The following SERPINE3 variants were observed in gnomAD, a reference collection of about 807,000 sequenced individuals.
The protein encoded by SERPINE3 is serpin E3.
SERPINE3 carries 43 observed loss-of-function variants against 41.7 expected under a neutral mutation model. That is an observed-to-expected ratio of 1.03 (90% confidence interval 0.81 to 1.33). The LOEUF (loss-of-function observed/expected upper bound fraction) is 1.33. SERPINE3 is among the 40% of genes most tolerant of loss of function. The pLI is 0.00. For synonymous variants in SERPINE3, 200 were observed against 192.2 expected (o/e 1.04, Z -0.34); for missense variants, 440 against 491.7 (o/e 0.89, Z 0.99).
Position 51,341,220 on chromosome 13 carries a change from G to T in SERPINE3, c.129G>T (p.Ala43=), listed in dbSNP as rs182858757. The change falls in exon 3 of 10, where the codon GCG becomes GCT. Residue 43 remains alanine, a synonymous_variant. Coordinates refer to ENST00000681248, the MANE Select transcript of SERPINE3 (RefSeq NM_001386375.1). ...FALHLYQSVA[A]CRNETNFVIS... ...TTCACCTCTACCAGAGTGTGGCCGCGTGTAGAAATGAGACGAACTTTGTCA... is the reference window on the plus strand; with the variant it reads ...TTCACCTCTACCAGAGTGTGGCCGCTTGTAGAAATGAGACGAACTTTGTCA... 1.9e-6 allele frequency: 3 copies of T among 1,614,026 alleles called. No individual in the cohort carries two copies. In the East Asian group the frequency reaches 6.7e-5, roughly 36 times the overall value.
At chr13:51,343,693 GA>G (rs147610053) in intron 3 of SERPINE3, among the ~76,000 whole-genome samples, 44 of 152,316 alleles carry the variant, frequency 2.9e-4, no homozygotes, top group African/African-American at 1.0e-3. Flanking sequence ...TTCTCAAATT[GA>G]AAGCATAGTT....
chr13:51,348,087 G>T (rs1039440819), intron 5 of SERPINE3, 126 bp from the exon 6 acceptor site: 10 of 693,766 alleles, frequency 1.4e-5, no homozygotes, highest in Admixed American at 1.4e-4. Flanking sequence ...ACCGCCTCCT[G>T]AGGGTGAGGT....
intron 7 of SERPINE3, among the ~76,000 whole-genome samples, chr13:51,356,942 T>C (rs1436762053): frequency 1.3e-5 from 2 of 152,160 alleles, no homozygotes; most frequent in Non-Finnish European, 2.9e-5. Context: ...CATGCCAGTC[T>C]GTTAATTTTC....
intron 8 of SERPINE3, 137 bp from the exon 9 acceptor site, chr13:51,361,673 C>T (rs1955579945): frequency 2.7e-6 from 2 of 731,050 alleles, no homozygotes; most frequent in East Asian, 2.8e-5. Context: ...CCCATCTGCA[C>T]CCCCATCACA....
intron 9 of SERPINE3, chr13:51,362,282 C>T (rs1566198752): frequency 3.2e-6 from 1 of 311,214 alleles, no homozygotes; most frequent in Non-Finnish European, 5.8e-6. Context: ...CACTAGAGTA[C>T]ACCAGAGTAG....
intron 7 of SERPINE3, among the ~76,000 whole-genome samples, chr13:51,356,056 C>G (rs1428844350): frequency 1.3e-5 from 2 of 152,126 alleles, no homozygotes; most frequent in Admixed American, 6.5e-5. Flanking sequence ...CAAGAGAAGT[C>G]TTGGTTTGGG....
intron 4 of SERPINE3, among the ~76,000 whole-genome samples, chr13:51,346,550 A>C (rs1955347660): frequency 6.6e-6 from 1 of 152,036 alleles, no homozygotes; most frequent in Admixed American, 6.5e-5. Context: ...TACTCTACCA[A>C]CCCAACTCCA....
At chr13:51,344,161 C>T (rs1955320963) in intron 3 of SERPINE3, 91 bp from the exon 4 acceptor site, 6 of 879,562 alleles carry the variant, frequency 6.8e-6, no homozygotes, top group South Asian at 1.5e-5. Flanking sequence ...GAGTTGCTGG[C>T]GTTCCATCTC....
At chr13:51,346,162 T>TA (rs1199009570) in intron 4 of SERPINE3, among the ~76,000 whole-genome samples, 1 of 152,184 alleles carries the variant, frequency 6.6e-6, no homozygotes, top group Admixed American at 6.5e-5. Context: ...ATTAAACAAA[T>TA]AAACAGCTGG....
chr13:51,354,088 A>G (rs1035504906), intron 6 of SERPINE3: 2 of 152,194 alleles, frequency 1.3e-5, no homozygotes, highest in Non-Finnish European at 2.9e-5. Flanking sequence ...ATGAAAATAT[A>G]TTTTATCCAG....
chr13:51,353,629 T>C (rs957306481), intron 6 of SERPINE3, among the ~76,000 whole-genome samples: 7 of 152,220 alleles, frequency 4.6e-5, no homozygotes, highest in South Asian at 2.1e-4. Context: ...TCGTAAGAGA[T>C]AGTCCAAAAG....
chr13:51,351,098 C>T (rs1368099413), intron 6 of SERPINE3, among the ~76,000 whole-genome samples: 1 of 152,072 alleles, frequency 6.6e-6, no homozygotes, highest in Admixed American at 6.6e-5. Flanking sequence ...AACTTCTTGG[C>T]CACCAGAAAC....
chr13:51,341,187 G>A lies in SERPINE3; in HGVS notation c.96G>A (p.Glu32=). 1 of 1,614,052 alleles carries A rather than the reference G, an allele frequency of 6.2e-7. No homozygotes were observed. The highest frequency in any genetic ancestry group is 1.1e-5 in the South Asian group (1 of 91,086). ...AAGGAATGACATTGCTGAAGACTGA[G>A]TTTGCACTTCACCTCTACCAGAGTG... ...LREGMTLLKT[E]FALHLYQSVA... Residue 32 remains glutamate, a synonymous_variant, in exon 3 of 10, where the codon GAG becomes GAA. Transcript: ENST00000681248.
Position 51,364,291 on chromosome 13 carries a change from T to C in SERPINE3, c.*9T>C. The C allele has an allele frequency of 7.0e-7, 1 of 1,432,754 alleles. No homozygotes were observed. Among genetic ancestry groups the C allele is most frequent in the Non-Finnish European group, 9.4e-7 (1 of 1,062,540 alleles). The allele number at this position is 1,432,754 out of a possible 1,614,324, so 88.8% of individuals were successfully genotyped here. On this transcript the variant is annotated 3_prime_UTR_variant, in exon 10 of 10. Coordinates refer to ENST00000681248, the MANE Select transcript of SERPINE3 (RefSeq NM_001386375.1). ...CAAATCCCCTAGACTAAATGCATGTTCTCCACTTTCATCAATGCTTTTCTT... is the reference window on the plus strand; with the variant it reads ...CAAATCCCCTAGACTAAATGCATGTCCTCCACTTTCATCAATGCTTTTCTT...
chr13:51,351,304 A>G (rs1308614109), intron 6 of SERPINE3, among the ~76,000 whole-genome samples: 1 of 152,182 alleles, frequency 6.6e-6, no homozygotes, highest in African/African-American at 2.4e-5. Flanking sequence ...CATCCTTGTC[A>G]ACACTTGTTA....
chr13:51,360,726 A>G (rs1051183244), intron 7 of SERPINE3, among the ~76,000 whole-genome samples: 2 of 152,048 alleles, frequency 1.3e-5, no homozygotes, highest in African/African-American at 2.4e-5. Context: ...ATGCAACACT[A>G]GACACATTCA....
chr13:51,355,073 A>G lies in SERPINE3; in HGVS notation c.930A>G (p.Lys310=). 6.5e-7 allele frequency: 1 copy of G among 1,547,482 alleles called. No individual in the cohort carries two copies. The highest frequency in any genetic ancestry group is 8.8e-7 in the Non-Finnish European group (1 of 1,141,528). Residue 310 remains lysine, a synonymous_variant, in exon 7 of 10, where the codon AAA becomes AAG. Transcript: ENST00000681248. ...GGATCCAAAATCAATTCAACTTAAAAAGCATTTTAAATTCTTGGGGAGTCA... is the reference window on the plus strand; with the variant it reads ...GGATCCAAAATCAATTCAACTTAAAGAGCATTTTAAATTCTTGGGGAGTCA... ...RFRIQNQFNL[K]SILNSWGVTD... is the part of the protein sequence containing the mutation.
chr13:51,364,032 T>C, intron 9 of SERPINE3: 1 of 342,014 alleles, frequency 2.9e-6, no homozygotes, highest in Non-Finnish European at 5.2e-6. Flanking sequence ...AATCTAAATA[T>C]ATATAATTTA....
At chr13:51,359,587 G>A (rs922452073) in intron 7 of SERPINE3, among the ~76,000 whole-genome samples, 1 of 152,022 alleles carries the variant, frequency 6.6e-6, no homozygotes, top group Admixed American at 6.6e-5. Context: ...ACATCAACTG[G>A]TCTCATTTCT....
Sources: gnomAD v4.1 joint callset for allele counts (sites outside exome capture counted in the v4.1 genomes callset) on GRCh38, gnomAD v4.1.1 for gene constraint, MANE v1.5 for transcripts, NCBI Gene and HGNC (gene_info 2026-07-23, HGNC 2026-07-21) for gene names.